The following HDDC2 variants were observed in gnomAD, a reference collection of about 807,000 sequenced individuals.
The protein encoded by HDDC2 is 5'-deoxynucleotidase HDDC2.
Under a neutral mutation model 25.5 loss-of-function variants are expected in HDDC2, and 25 were observed. The ratio of observed to expected loss-of-function variants is 0.98; its 90% CI spans 0.72 to 1.37. The LOEUF (loss-of-function observed/expected upper bound fraction) is 1.37. Among genes scored for constraint, HDDC2 ranks in the 40% most tolerant of loss-of-function variants. HDDC2 has a pLI of 0.00. For synonymous variants in HDDC2, 106 were observed against 89.7 expected (o/e 1.18, Z -1.03); for missense variants, 264 against 253.1 (o/e 1.04, Z -0.29).
intron 4 of HDDC2, chr6:125,279,107 A>T (rs770153761): frequency 7.2e-5 from 11 of 152,244 alleles, no homozygotes; most frequent in Non-Finnish European, 1.3e-4. Flanking sequence ...GAGAGGATTA[A>T]TGTCTGATGG....
At chr6:125,298,888 C>G in intron 2 of HDDC2, 72 bp from the exon 3 acceptor site, 2 of 953,360 alleles carry the variant, frequency 2.1e-6, no homozygotes, top group Non-Finnish European at 3.3e-6. Flanking sequence ...TATACTCTTC[C>G]AAAGTTATAT....
chr6:125,276,990 A>G lies in HDDC2; in HGVS notation c.517+112T>C, dbSNP rs779677796. 4 of 1,035,580 alleles carry G rather than the reference A, an allele frequency of 3.9e-6. No homozygotes were observed. In the African/African-American group the frequency reaches 4.8e-5, roughly 13 times the overall value. The allele number at this position is 1,035,580 out of a possible 1,614,324, so 64.1% of individuals were successfully genotyped here. A position where few individuals can be genotyped will look rare whatever the true frequency, so the allele number is the denominator to read the frequency against. ...TTCCCTTTCTTTTTAGATGCTCCAC[A>G]TGAAAGGGTCAGATGAAGGTACCAA... On this transcript the variant is annotated intron_variant, in intron 5 of 5. Coordinates refer to ENST00000398153, the MANE Select transcript of HDDC2 (RefSeq NM_016063.3).
chr6:125,300,436 T>C (rs1798777875), intron 2 of HDDC2, 102 bp downstream of exon 2: 5 of 1,406,074 alleles, frequency 3.6e-6, no homozygotes, highest in African/African-American at 2.9e-5. Flanking sequence ...TCTTGACCTA[T>C]AAACTAACCT....
At chr6:125,286,671 G>T (rs763257164) in intron 4 of HDDC2, among the ~76,000 whole-genome samples, 15 of 152,060 alleles carry the variant, frequency 9.9e-5, no homozygotes, top group Non-Finnish European at 1.8e-4. Context: ...TGTGGTCTTG[G>T]AATACCATTT....
At chr6:125,289,922 G>C (rs1248229779) in intron 4 of HDDC2, among the ~76,000 whole-genome samples, 4 of 152,178 alleles carry the variant, frequency 2.6e-5, no homozygotes, top group African/African-American at 9.7e-5. Flanking sequence ...ACATCTTTCT[G>C]TGATACTTTC....
rs180850436 is a variant in HDDC2, at chr6:125,301,377, C to T, written c.84+472G>A. Reference sequence around the variant, plus strand: ...ACTGTGAGACAGACATAAAAAGCTCCACTTAAAATCTGAGGAGCCGACAGA... The same window carrying T: ...ACTGTGAGACAGACATAAAAAGCTCTACTTAAAATCTGAGGAGCCGACAGA... On this transcript the variant is annotated intron_variant, in intron 1 of 5. Transcript: ENST00000398153. Among the ~76,000 whole-genome samples the T allele has an allele frequency of 1.2e-3, 189 of 151,866 alleles. 3 individuals carry two copies. The highest frequency in any genetic ancestry group is 4.2e-3 in the African/African-American group (172 of 41,344).
intron 3 of HDDC2, chr6:125,293,135 T>C: frequency 5.0e-6 from 3 of 604,872 alleles, no homozygotes; most frequent in Non-Finnish European, 6.0e-6. Flanking sequence ...AGCACCTCTT[T>C]TGTGGTCTAC....
intron 4 of HDDC2, among the ~76,000 whole-genome samples, chr6:125,280,238 C>T (rs756508552): frequency 3.3e-5 from 5 of 152,200 alleles, no homozygotes; most frequent in Non-Finnish European, 7.3e-5. Flanking sequence ...ACAGTCTTTG[C>T]AACCCACAGA....
At chr6:125,279,597 C>T (rs891423210) in intron 4 of HDDC2, among the ~76,000 whole-genome samples, 8 of 152,084 alleles carry the variant, frequency 5.3e-5, no homozygotes, top group African/African-American at 1.9e-4. Context: ...AGCCATTCCA[C>T]AACATTTATA....
rs866489799 is a variant in HDDC2 at position 125,275,583 on chromosome 6, G to C, written c.*563C>G. On this transcript the variant is annotated 3_prime_UTR_variant, in exon 6 of 6. Coordinates refer to ENST00000398153, the MANE Select transcript of HDDC2 (RefSeq NM_016063.3). ...TAAATGACAAAAAGTATTGGGAAGA[G>C]GGGCAGAGCCTATTAGTAGGTTTAC... 4 of 152,404 alleles carry C rather than the reference G, an allele frequency of 2.6e-5. No individual in the cohort carries two copies. The highest frequency in any genetic ancestry group is 1.3e-4 in the Admixed American group (2 of 15,300). 9.4% of individuals were successfully genotyped at this position (152,404 alleles called of 1,614,324 possible). A position where few individuals can be genotyped will look rare whatever the true frequency, so the allele number is the denominator to read the frequency against.
At chr6:125,288,295 G>A (rs73581664) in intron 4 of HDDC2, among the ~76,000 whole-genome samples, 1,827 of 152,174 alleles carry the variant, frequency 0.012, 7 homozygotes, top group Admixed American at 0.016. Flanking sequence ...AAAGGGGCAG[G>A]GAGGTGACCC....
chr6:125,280,085 G>A (rs1798434381), intron 4 of HDDC2, among the ~76,000 whole-genome samples: 1 of 152,182 alleles, frequency 6.6e-6, no homozygotes, highest in South Asian at 2.1e-4. Flanking sequence ...ATAGCCCATG[G>A]AGGGCGAGCC....
chr6:125,280,275 C>A (rs2115101609), intron 4 of HDDC2, among the ~76,000 whole-genome samples: 1 of 152,306 alleles, frequency 6.6e-6, no homozygotes, highest in Middle Eastern at 3.4e-3. Context: ...AGTGCTTACA[C>A]CACAAGGGCC....
intron 1 of HDDC2, among the ~76,000 whole-genome samples, chr6:125,300,950 C>T (rs1174067620): frequency 1.3e-5 from 2 of 152,124 alleles, no homozygotes; most frequent in Non-Finnish European, 2.9e-5. Flanking sequence ...GTCCTTTAAA[C>T]AAAAACAAAA....
At chr6:125,283,180 C>T (rs1017029087) in intron 4 of HDDC2, among the ~76,000 whole-genome samples, 1 of 152,100 alleles carries the variant, frequency 6.6e-6, no homozygotes, top group Non-Finnish European at 1.5e-5. Context: ...ATAATAAGAG[C>T]TATTTATGAC....
intron 2 of HDDC2, among the ~76,000 whole-genome samples, chr6:125,299,814 T>C (rs1798768347): frequency 6.6e-6 from 1 of 152,180 alleles, no homozygotes; most frequent in Non-Finnish European, 1.5e-5. Flanking sequence ...AATACTCCTT[T>C]ACTTTCCTAC....
intron 1 of HDDC2, 139 bp downstream of exon 1, chr6:125,301,710 T>A (rs1257269464): frequency 3.2e-6 from 2 of 617,510 alleles, no homozygotes; most frequent in Non-Finnish European, 5.3e-6. Flanking sequence ...TCCGCAGGAC[T>A]GGGGCCTTTC....
intron 4 of HDDC2, among the ~76,000 whole-genome samples, chr6:125,287,171 G>C (rs1420103327): frequency 7.2e-5 from 11 of 152,188 alleles, no homozygotes; most frequent in African/African-American, 2.6e-4. Context: ...AAGAAATGGA[G>C]GGGCAGACCG....
At chr6:125,296,890 T>C (rs1297745753) in intron 3 of HDDC2, among the ~76,000 whole-genome samples, 4 of 152,222 alleles carry the variant, frequency 2.6e-5, no homozygotes, top group Non-Finnish European at 5.9e-5. Flanking sequence ...CTTCCAGTTG[T>C]TGGAGATGGT....
Sources: gnomAD v4.1 joint callset for allele counts (sites outside exome capture counted in the v4.1 genomes callset) on GRCh38, gnomAD v4.1.1 for gene constraint, MANE v1.5 for transcripts, NCBI Gene and HGNC (gene_info 2026-07-23, HGNC 2026-07-21) for gene names.